The following LRRC4C variants were observed in gnomAD, a reference collection of about 807,000 sequenced individuals.
The protein encoded by LRRC4C is leucine rich repeat containing 4C.
A neutral mutation model predicts 33.6 loss-of-function variants in LRRC4C; 5 were observed. The observed-to-expected ratio is 0.15, with a 90% CI of 0.08 to 0.31. The LOEUF (loss-of-function observed/expected upper bound fraction) is 0.31, where lower values mean the gene tolerates loss of function less well. LRRC4C is among the 10% of genes least tolerant of loss of function. The pLI, the probability that LRRC4C is intolerant of heterozygous loss-of-function variation, is 1.00. For synonymous variants in LRRC4C, 329 were observed against 302.0 expected, an observed-to-expected ratio of 1.09 and a Z score of -0.93; for missense variants, 560 against 796.7, an observed-to-expected ratio of 0.70 and a Z score of 3.58.
chr11:40,814,713 C>T (rs778513817), intron 2 of LRRC4C, among the ~76,000 whole-genome samples: 1 of 151,644 alleles, frequency 6.6e-6, no homozygotes, highest in Non-Finnish European at 1.5e-5. Flanking sequence ...GCCAGATACC[C>T]TAAATCATCT....
intron 4 of LRRC4C, among the ~76,000 whole-genome samples, chr11:40,305,839 C>A (rs749069975): frequency 6.6e-6 from 1 of 152,180 alleles, no homozygotes; most frequent in Admixed American, 6.5e-5. Flanking sequence ...TGAAGTAATG[C>A]AGAAGAATAG....
intron 1 of LRRC4C, among the ~76,000 whole-genome samples, chr11:40,946,012 G>C (rs1364962562): frequency 6.6e-6 from 1 of 152,120 alleles, no homozygotes; most frequent in African/African-American, 2.4e-5. Flanking sequence ...GCTGAGGTTT[G>C]GGATACAAAT....
rs148220106 is a variant in LRRC4C, at chr11:41,216,267, A to T, written c.-496+243164T>A. 9.3e-4 allele frequency among the ~76,000 whole-genome samples: 141 copies of T among 152,324 alleles called. 1 individual carries two copies. Among genetic ancestry groups the T allele is most frequent in the African/African-American group, 3.2e-3 (135 of 41,580 alleles). On this transcript the variant is annotated intron_variant, in intron 1 of 6. Transcript: ENST00000528697. ...AAACATTACAGGGAATTTAGGACAC[A>T]GACACAATAGAGCGGTGAGTGGATA...
At chr11:40,336,251 C>A (rs1565285973) in intron 3 of LRRC4C, among the ~76,000 whole-genome samples, 1 of 152,140 alleles carries the variant, frequency 6.6e-6, no homozygotes, top group Non-Finnish European at 1.5e-5. Flanking sequence ...GACCGCGGAA[C>A]TGCATATCCC....
intron 1 of LRRC4C, among the ~76,000 whole-genome samples, chr11:41,342,596 T>C (rs1021213684): frequency 6.6e-6 from 1 of 152,090 alleles, no homozygotes; most frequent in Admixed American, 6.6e-5. Flanking sequence ...GCGCCTGTAA[T>C]TCCAGATACT....
chr11:40,349,200 C>A (rs1212018060), intron 3 of LRRC4C, among the ~76,000 whole-genome samples: 4 of 152,072 alleles, frequency 2.6e-5, no homozygotes, highest in Non-Finnish European at 5.9e-5. Flanking sequence ...TAATCATCCC[C>A]ACTCCCTTCC....
chr11:40,306,677 C>T (rs1362473416), intron 4 of LRRC4C, among the ~76,000 whole-genome samples: 2 of 152,232 alleles, frequency 1.3e-5, no homozygotes, highest in African/African-American at 2.4e-5. Context: ...TGAGTGCTTA[C>T]TCTGTGTCAG....
chr11:40,696,571 C>G (rs60215514), intron 2 of LRRC4C, among the ~76,000 whole-genome samples: 1,640 of 148,864 alleles, frequency 0.011, 23 homozygotes, highest in African/African-American at 0.038. Context: ...CATGGCTATA[C>G]AGAAACATTA....
intron 2 of LRRC4C, among the ~76,000 whole-genome samples, chr11:40,718,421 G>A (rs1223256162): frequency 2.6e-5 from 4 of 152,150 alleles, no homozygotes; most frequent in Non-Finnish European, 5.9e-5. Context: ...TGGAAGCAAT[G>A]TGCCAGGATT....
At chr11:41,260,963 G>T (rs1948963634) in intron 1 of LRRC4C, among the ~76,000 whole-genome samples, 2 of 151,992 alleles carry the variant, frequency 1.3e-5, no homozygotes, top group Admixed American at 6.6e-5. Context: ...AGTATATTGG[G>T]TATTTATTAT....
intron 1 of LRRC4C, among the ~76,000 whole-genome samples, chr11:41,331,802 C>T (rs1226985796): frequency 6.6e-6 from 1 of 152,088 alleles, no homozygotes; most frequent in Non-Finnish European, 1.5e-5. Context: ...CAGGGTAGAT[C>T]TACAACACAA....
At chr11:41,404,567 C>A (rs887645636) in intron 1 of LRRC4C, among the ~76,000 whole-genome samples, 1 of 143,482 alleles carries the variant, frequency 7.0e-6, no homozygotes, top group Non-Finnish European at 1.5e-5. Flanking sequence ...CACACACCCC[C>A]CGAGGTTATA....
At chr11:40,626,615 A>T (rs923638443) in intron 3 of LRRC4C, among the ~76,000 whole-genome samples, 1 of 152,204 alleles carries the variant, frequency 6.6e-6, no homozygotes, top group Non-Finnish European at 1.5e-5. Context: ...TTGTGTGAGA[A>T]GGAAGCTCCA....
Position 41,306,037 on chromosome 11 carries a change from A to G in LRRC4C, c.-496+153394T>C, listed in dbSNP as rs12418905. Among the ~76,000 whole-genome samples the G allele has an allele frequency of 8.2e-3, 1,184 of 144,800 alleles. 12 individuals are homozygous for G. The highest frequency in any genetic ancestry group is 0.021 in the African/African-American group (852 of 39,980). The allele number at this position is 144,800 out of a possible 152,430, so 95.0% of individuals were successfully genotyped here. On this transcript the variant is annotated intron_variant, in intron 1 of 6. Coordinates refer to ENST00000528697, the MANE Select transcript of LRRC4C (RefSeq NM_001258419.2). ...TTCTTTCTCTAAAAAAAAAAAAAAAAAAAGAAAGAAAAATACTGCATTAAA... is the reference window on the plus strand; with the variant it reads ...TTCTTTCTCTAAAAAAAAAAAAAAAGAAAGAAAGAAAAATACTGCATTAAA...
intron 1 of LRRC4C, among the ~76,000 whole-genome samples, chr11:41,418,261 C>T (rs1459103390): frequency 6.6e-6 from 1 of 151,940 alleles, no homozygotes. Flanking sequence ...AGAAAATATT[C>T]CACTGTTTCC....
intron 3 of LRRC4C, among the ~76,000 whole-genome samples, chr11:40,370,270 T>G (rs1049434601): frequency 2.0e-5 from 3 of 152,060 alleles, no homozygotes; most frequent in Non-Finnish European, 4.4e-5. Context: ...GAATGCAAAA[T>G]GCCAACCTAA....
At chr11:40,923,344 A>G (rs1194850768) in intron 2 of LRRC4C, among the ~76,000 whole-genome samples, 3 of 152,188 alleles carry the variant, frequency 2.0e-5, no homozygotes, top group Admixed American at 6.5e-5. Context: ...GATTAACCCA[A>G]TATTTATTGT....
At chr11:40,246,058 C>G (rs1866310720) in intron 4 of LRRC4C, among the ~76,000 whole-genome samples, 2 of 150,852 alleles carry the variant, frequency 1.3e-5, no homozygotes, top group Admixed American at 1.3e-4. Context: ...ACTGCAACCT[C>G]TGCCTCCTGG....
At chr11:40,278,072 T>C (rs1276519728) in intron 4 of LRRC4C, among the ~76,000 whole-genome samples, 1 of 152,196 alleles carries the variant, frequency 6.6e-6, no homozygotes, top group Admixed American at 6.5e-5. Flanking sequence ...AGCATGTCAC[T>C]GCATAAGTAA....
Sources: allele counts gnomAD v4.1 joint callset (sites outside exome capture counted in the v4.1 genomes callset), GRCh38; gene constraint gnomAD v4.1.1; transcripts MANE v1.5; gene names NCBI Gene and HGNC (gene_info 2026-07-23, HGNC 2026-07-21).